The following ITPR1 variants were observed in gnomAD, a reference collection of about 807,000 sequenced individuals.
The protein encoded by ITPR1 is inositol 1,4,5-trisphosphate-gated calcium channel ITPR1.
ITPR1 carries 96 observed loss-of-function variants against 318.4 expected under a neutral mutation model. That is an observed-to-expected ratio of 0.30 (90% CI 0.26 to 0.36). ITPR1 has a LOEUF of 0.36. ITPR1 is among the 10% of genes least tolerant of loss of function. ITPR1 has a pLI of 1.00. For synonymous variants in ITPR1, 1,312 were observed against 1,289.9 expected (o/e 1.02, Z -0.37); for missense variants, 2,440 against 3,460.2 (o/e 0.71, Z 7.40).
At chr3:4,531,532 C>T (rs140636973) in intron 4 of ITPR1, among the ~76,000 whole-genome samples, 174 of 152,228 alleles carry the variant, frequency 1.1e-3, no homozygotes, top group African/African-American at 3.7e-3. Flanking sequence ...CCCAGTTGTG[C>T]TCAGGATAAA....
chr3:4,836,750 TTTTTTTTTTA>T lies in ITPR1; in HGVS notation c.8029-23_8029-14del. The T allele has an allele frequency of 8.1e-7, 1 of 1,241,262 alleles. No individual in the cohort carries two copies. Among genetic ancestry groups the T allele is most frequent in the Non-Finnish European group, 1.0e-6 (1 of 977,062 alleles). The allele number at this position is 1,241,262 out of a possible 1,614,324, so 76.9% of individuals were successfully genotyped here. On this transcript the variant is annotated splice_polypyrimidine_tract_variant and intron_variant, in intron 60 of 61. Transcript: ENST00000649015. Reference sequence around the variant, plus strand: ...GTGACTCAGTCTTTTTTTTTTTTTTTTTTTTTTTTAATGTGGATTCTAGGAAAGAAACCTT... The same window carrying T: ...GTGACTCAGTCTTTTTTTTTTTTTTTATGTGGATTCTAGGAAAGAAACCTT...
intron 61 of ITPR1, among the ~76,000 whole-genome samples, chr3:4,845,265 C>T (rs758565969): frequency 9.2e-5 from 14 of 152,260 alleles, no homozygotes; most frequent in South Asian, 2.1e-4. Flanking sequence ...ATATATATTC[C>T]GTATAGCCTT....
chr3:4,720,667 A>G (rs942081487), intron 40 of ITPR1, among the ~76,000 whole-genome samples: 1 of 152,180 alleles, frequency 6.6e-6, no homozygotes, highest in Non-Finnish European at 1.5e-5. Flanking sequence ...GCCCTCCTGC[A>G]TTGCAACAAA....
At chr3:4,559,267 C>T (rs1406283388) in intron 4 of ITPR1, among the ~76,000 whole-genome samples, 1 of 151,824 alleles carries the variant, frequency 6.6e-6, no homozygotes, top group Non-Finnish European at 1.5e-5. Context: ...GTCTTTTAAT[C>T]TTGAATAGTC....
chr3:4,706,685 C>T (rs2094764314), intron 37 of ITPR1, among the ~76,000 whole-genome samples: 1 of 152,176 alleles, frequency 6.6e-6, no homozygotes, highest in South Asian at 2.1e-4. Flanking sequence ...TTCCCCATCA[C>T]TCTGGGGTTA....
At position 4,644,222 on chromosome 3, in the gene ITPR1, A is replaced by T. The variant is rs1272056954; in HGVS notation, c.612A>T (p.Pro204=). The change falls in exon 8 of 62, where the codon CCA becomes CCT. Residue 204 remains proline, a synonymous_variant. Transcript: ENST00000649015. ...GCAGCCATCAACTGGTAGATAACCCAGGCTGCAATGAGGTAAGGACATTGA... is the reference window on the plus strand; with the variant it reads ...GCAGCCATCAACTGGTAGATAACCCTGGCTGCAATGAGGTAAGGACATTGA... The part of the protein sequence containing the change: ...HASSHQLVDN[P]GCNEVNSVNC... 2 of 1,605,764 alleles carry T rather than the reference A, an allele frequency of 1.2e-6. No individual in the cohort carries two copies. Among genetic ancestry groups the T allele is most frequent in the African/African-American group, 2.7e-5 (2 of 74,948 alleles).
intron 4 of ITPR1, among the ~76,000 whole-genome samples, chr3:4,535,962 C>A (rs1288444230): frequency 6.6e-6 from 1 of 152,088 alleles, no homozygotes; most frequent in Non-Finnish European, 1.5e-5. Flanking sequence ...TATCAAGAGC[C>A]CCAGCAGTAG....
At chr3:4,737,689 A>G (rs2125324604) in intron 44 of ITPR1, among the ~76,000 whole-genome samples, 1 of 152,332 alleles carries the variant, frequency 6.6e-6, no homozygotes, top group Middle Eastern at 3.4e-3. Flanking sequence ...CCAAGGAGGC[A>G]GTCTAAGAAT....
At chr3:4,819,033 T>C (rs2049500687) in intron 60 of ITPR1, among the ~76,000 whole-genome samples, 1 of 152,188 alleles carries the variant, frequency 6.6e-6, no homozygotes, top group Non-Finnish European at 1.5e-5. Flanking sequence ...GGGCCAACTC[T>C]CCTTCCAGTT....
chr3:4,820,086 T>G (rs1170940505), intron 60 of ITPR1, among the ~76,000 whole-genome samples: 1 of 152,214 alleles, frequency 6.6e-6, no homozygotes, highest in East Asian at 1.9e-4. Context: ...GGTGCCAGTG[T>G]GGATTTCCAC....
intron 4 of ITPR1, among the ~76,000 whole-genome samples, chr3:4,566,806 A>G (rs1216990703): frequency 6.6e-6 from 1 of 152,186 alleles, no homozygotes; most frequent in Non-Finnish European, 1.5e-5. Context: ...TTCTGTTGGC[A>G]CCAAGAGTAG....
chr3:4,742,042 C>T (rs1002117480), intron 44 of ITPR1, among the ~76,000 whole-genome samples: 8 of 152,102 alleles, frequency 5.3e-5, no homozygotes, highest in East Asian at 3.9e-4. Flanking sequence ...TGCCCTTCTG[C>T]GGAAGCTGTG....
rs749778005 is a variant in ITPR1 at position 4,733,190 on chromosome 3, G to A, written c.5323G>A (p.Ala1775Thr). 1 of 1,614,032 alleles carries A rather than the reference G, an allele frequency of 6.2e-7. No homozygotes were observed. Among genetic ancestry groups the A allele is most frequent in the Non-Finnish European group, 8.5e-7 (1 of 1,179,884 alleles). ...CAGCTTTGGCAATGGCCCACTGTCA[G>A]CAGGAGGACCCGGCAAGCCCGGGGG... ...LTSFGNGPLS[A>T]GGPGKPGGGG... The change falls in exon 43 of 62, where the codon GCA (alanine) becomes ACA (threonine). Residue 1775 changes from alanine to threonine, a missense_variant. By Grantham distance (58) the Ala-to-Thr change is moderately conservative. This residue lies in a region of ITPR1 where 166 missense variants were observed against 143.7 expected (regional missense o/e 1.16). Transcript: ENST00000649015.
chr3:4,678,506 A>G (rs933293501), intron 24 of ITPR1, among the ~76,000 whole-genome samples: 4 of 152,144 alleles, frequency 2.6e-5, no homozygotes, highest in Admixed American at 6.5e-5. Flanking sequence ...TTGACTCCCT[A>G]CCATGTGCAC....
intron 44 of ITPR1, among the ~76,000 whole-genome samples, chr3:4,736,201 A>G (rs1302047303): frequency 6.6e-6 from 1 of 151,952 alleles, no homozygotes; most frequent in Non-Finnish European, 1.5e-5. Context: ...ACACACACAT[A>G]TGTTTTGATA....
chr3:4,518,242 G>A (rs73127266), intron 3 of ITPR1, among the ~76,000 whole-genome samples: 2 of 152,132 alleles, frequency 1.3e-5, no homozygotes, highest in Non-Finnish European at 2.9e-5. Context: ...TCCCCTGGGG[G>A]TCTTGATTTC....
intron 51 of ITPR1, among the ~76,000 whole-genome samples, chr3:4,787,148 C>G (rs1411542975): frequency 6.6e-6 from 1 of 152,026 alleles, no homozygotes. Context: ...CAGAACCATT[C>G]CATCATTACA....
chr3:4,545,189 A>G lies in ITPR1; in HGVS notation c.163+24095A>G, dbSNP rs144032437. Among the ~76,000 whole-genome samples, 262 of 152,368 alleles carry G rather than the reference A, an allele frequency of 1.7e-3. 2 individuals are homozygous for G. Among genetic ancestry groups the G allele is most frequent in the African/African-American group, 6.0e-3 (249 of 41,580 alleles). Reference sequence around the variant, plus strand: ...CGAACAGATGAGAGAAAAACCCAAAATGAATCAGTTGATCTGTTTAAACTT... The same window carrying G: ...CGAACAGATGAGAGAAAAACCCAAAGTGAATCAGTTGATCTGTTTAAACTT... On this transcript the variant is annotated intron_variant, in intron 4 of 61. Coordinates refer to ENST00000649015, the MANE Select transcript of ITPR1 (RefSeq NM_001378452.1).
chr3:4,557,016 A>G (rs138383899), intron 4 of ITPR1, among the ~76,000 whole-genome samples: 14 of 152,324 alleles, frequency 9.2e-5, no homozygotes, highest in African/African-American at 3.4e-4. Flanking sequence ...AGAAAGGACA[A>G]TGTAGTAAGA....
Sources: allele counts gnomAD v4.1 joint callset (sites outside exome capture counted in the v4.1 genomes callset), GRCh38; gene constraint gnomAD v4.1.1; regional missense constraint gnomAD v4.1.1; transcripts MANE v1.5; gene names NCBI Gene and HGNC (gene_info 2026-07-23, HGNC 2026-07-21).